TPD52L2: variants seen among roughly 807,000 people sequenced by gnomAD.
TPD52L2 encodes tumor protein D54.
Under a neutral mutation model 24.7 loss-of-function variants are expected in TPD52L2, and 19 were observed. The observed-to-expected ratio is 0.77, with a 90% confidence interval of 0.54 to 1.13. TPD52L2 has a LOEUF of 1.13. Among genes scored for constraint, TPD52L2 ranks in the 50% most tolerant of loss-of-function variants. TPD52L2 has a pLI of 0.00. For missense variants in TPD52L2, 236 were observed against 250.4 expected (o/e 0.94, Z 0.39); for synonymous variants, 104 against 100.2 (o/e 1.04, Z -0.23).
chr20:63,877,121 G>T lies in TPD52L2; in HGVS notation c.374+1246G>T. ...GCTCACTGCAAGCTCCGCCTCCCGGGTTCACACCATTCTCCTGCCTCAGCC... is the reference window on the plus strand; with the variant it reads ...GCTCACTGCAAGCTCCGCCTCCCGGTTTCACACCATTCTCCTGCCTCAGCC... On this transcript the variant is annotated intron_variant, in intron 4 of 6. Coordinates refer to ENST00000346249, the MANE Select transcript of TPD52L2 (RefSeq NM_003288.4). This position sits in a 1 kb window ranked among gnomAD's most constrained non-coding sequence, Gnocchi z 4.1. 2.6e-6 allele frequency: 1 copy of T among 379,348 alleles called. No homozygotes were observed. The highest frequency in any genetic ancestry group is 2.0e-5 in the South Asian group (1 of 50,936). 23.5% of individuals were successfully genotyped at this position (379,348 alleles called of 1,614,324 possible).
At chr20:63,874,197 G>A (rs1275835237) in intron 3 of TPD52L2, among the ~76,000 whole-genome samples, 1 of 150,210 alleles carries the variant, frequency 6.7e-6, no homozygotes, top group East Asian at 2.0e-4. Flanking sequence ...GATTACAGGC[G>A]CCTCCCACCG....
intron 5 of TPD52L2, chr20:63,886,004 G>A: frequency 6.2e-7 from 1 of 1,614,114 alleles, no homozygotes; most frequent in Non-Finnish European, 8.5e-7. Flanking sequence ...CTCTCCTGCT[G>A]CCACCTTCCA....
intron 5 of TPD52L2, chr20:63,887,896 G>T: frequency 2.0e-6 from 1 of 511,880 alleles, no homozygotes; most frequent in Non-Finnish European, 3.5e-6. Context: ...GGGTGGGGTG[G>T]GGTTCGAGGG....
At chr20:63,889,473 C>T (rs2053254566) in intron 6 of TPD52L2, among the ~76,000 whole-genome samples, 1 of 107,576 alleles carries the variant, frequency 9.3e-6, no homozygotes, top group Non-Finnish European at 2.0e-5. Flanking sequence ...CGCCTCCACA[C>T]TGCCCTTCCT....
At chr20:63,884,238 C>G (rs2053013449) in intron 5 of TPD52L2, among the ~76,000 whole-genome samples, 1 of 152,144 alleles carries the variant, frequency 6.6e-6, no homozygotes, top group South Asian at 2.1e-4. Context: ...CAGGTCTTCC[C>G]TACCACTGCT....
chr20:63,886,990 C>T, intron 5 of TPD52L2: 1 of 167,450 alleles, frequency 6.0e-6, no homozygotes, highest in Non-Finnish European at 1.3e-5. Context: ...CTCTCACCAC[C>T]TTCCTGTTCA....
At chr20:63,874,363 C>CT (rs369640456) in intron 3 of TPD52L2, among the ~76,000 whole-genome samples, 3,326 of 133,342 alleles carry the variant, frequency 0.025, 54 homozygotes, top group Non-Finnish European at 0.03. Flanking sequence ...CCACGCTGGC[C>CT]TTTTTTTTTT....
At chr20:63,887,418 G>A (rs1000065092) in intron 5 of TPD52L2, 3 of 913,948 alleles carry the variant, frequency 3.3e-6, no homozygotes, top group African/African-American at 1.6e-5. Context: ...TCCTTCGGGG[G>A]CATTGTGTGG....
chr20:63,890,007 G>C lies in TPD52L2; in HGVS notation c.*62G>C. The C allele has an allele frequency of 6.2e-7, 1 of 1,605,062 alleles. No individual in the cohort carries two copies. Among genetic ancestry groups the C allele is most frequent in the Non-Finnish European group, 8.5e-7 (1 of 1,176,680 alleles). ...ACCCAGCCTCAGCATCACAGCCGCA[G>C]CTCTGTTCAGCGGAGCAGCCAGCCA... On this transcript the variant is annotated 3_prime_UTR_variant, in exon 7 of 7. Coordinates refer to ENST00000346249, the MANE Select transcript of TPD52L2 (RefSeq NM_003288.4).
At chr20:63,881,520 G>A (rs964266093) in intron 4 of TPD52L2, among the ~76,000 whole-genome samples, 1 of 151,914 alleles carries the variant, frequency 6.6e-6, no homozygotes, top group Non-Finnish European at 1.5e-5. Flanking sequence ...CAGCTCACAC[G>A]GGCCTTCTGC....
intron 5 of TPD52L2, chr20:63,886,159 C>T (rs1411296608): frequency 2.0e-6 from 2 of 1,007,016 alleles, no homozygotes; most frequent in South Asian, 1.3e-5. Flanking sequence ...TGGGATCACC[C>T]CTTCCAGGAC....
In TPD52L2 at chr20:63,877,252, C is replaced by T. The variant is rs2052723140; in HGVS notation, c.374+1377C>T. Reference sequence around the variant, plus strand: ...ATGTCAGCCAGGATGGTCTCAATCTCCTGACCTCGTGATCCGCCTGCCTCA... The same window carrying T: ...ATGTCAGCCAGGATGGTCTCAATCTTCTGACCTCGTGATCCGCCTGCCTCA... On this transcript the variant is annotated intron_variant, in intron 4 of 6. Transcript: ENST00000346249. The surrounding 1 kb of genome is among the most constrained non-coding windows in gnomAD (Gnocchi z 4.1). 3.1e-6 allele frequency: 1 copy of T among 325,458 alleles called. No individual in the cohort carries two copies. The highest frequency in any genetic ancestry group is 4.7e-5 in the Admixed American group (1 of 21,100). The allele number at this position is 325,458 out of a possible 1,614,324, so 20.2% of individuals were successfully genotyped here.
At chr20:63,874,405 G>A (rs1244102494) in intron 3 of TPD52L2, among the ~76,000 whole-genome samples, 4 of 138,818 alleles carry the variant, frequency 2.9e-5, no homozygotes, top group Non-Finnish European at 6.2e-5. Context: ...AGATGGTTTC[G>A]CTCTGTCACC....
intron 1 of TPD52L2, among the ~76,000 whole-genome samples, chr20:63,869,084 C>T (rs1481965676): frequency 2.0e-5 from 3 of 152,232 alleles, no homozygotes; most frequent in African/African-American, 7.2e-5. Context: ...TGAAGCAGCA[C>T]AAGTGGCATT....
intron 1 of TPD52L2, among the ~76,000 whole-genome samples, chr20:63,866,954 CTTT>C (rs72491050): frequency 1.4e-5 from 2 of 139,634 alleles, no homozygotes. Flanking sequence ...GGTCTTTCTA[CTTT>C]TTTTTTTTTT....
At chr20:63,882,843 C>T (rs1387491864) in intron 5 of TPD52L2, 23 bp downstream of exon 5, 25 of 1,581,482 alleles carry the variant, frequency 1.6e-5, no homozygotes, top group Non-Finnish European at 1.9e-5. Context: ...CCTGACTCTG[C>T]TGCCCTGAGA....
intron 5 of TPD52L2, chr20:63,887,310 C>T (rs921917669): frequency 4.9e-6 from 3 of 606,426 alleles, no homozygotes; most frequent in African/African-American, 1.8e-5. Context: ...GGTCTCCTCA[C>T]AGCTTCCTAT....
chr20:63,884,640 T>C (rs2053029518), intron 5 of TPD52L2, among the ~76,000 whole-genome samples: 1 of 152,230 alleles, frequency 6.6e-6, no homozygotes, highest in East Asian at 1.9e-4. Flanking sequence ...CGCTCTCTGC[T>C]CAGTCCTGGG....
intron 3 of TPD52L2, among the ~76,000 whole-genome samples, chr20:63,874,971 C>G (rs1018032678): frequency 2.1e-4 from 32 of 151,830 alleles, no homozygotes; most frequent in African/African-American, 7.5e-4. Flanking sequence ...GAAACCCTGT[C>G]TCTACTAAAA....
Sources: allele counts gnomAD v4.1 joint callset (sites outside exome capture counted in the v4.1 genomes callset), GRCh38; gene constraint gnomAD v4.1.1; non-coding constraint Gnocchi (gnomAD v3.1); transcripts MANE v1.5; gene names NCBI Gene and HGNC (gene_info 2026-07-23, HGNC 2026-07-21).